The following RAP1GAP2 variants were observed in gnomAD, a reference collection of about 807,000 sequenced individuals.
The protein encoded by RAP1GAP2 is rap1 GTPase-activating protein 2.
RAP1GAP2 carries 27 observed loss-of-function variants against 95.0 expected under a neutral mutation model. The ratio of observed to expected loss-of-function variants is 0.28; its 90% confidence interval spans 0.21 to 0.39. RAP1GAP2 has a LOEUF of 0.39. RAP1GAP2 is among the 10% of genes least tolerant of loss of function. RAP1GAP2 has a pLI of 1.00. For missense variants in RAP1GAP2, 771 were observed against 970.0 expected (o/e 0.79, Z 2.72); for synonymous variants, 373 against 380.9 (o/e 0.98, Z 0.24).
At chr17:2,765,324 G>A (rs1007982760) in intron 1 of RAP1GAP2, among the ~76,000 whole-genome samples, 3 of 152,128 alleles carry the variant, frequency 2.0e-5, no homozygotes, top group East Asian at 3.9e-4. Flanking sequence ...TTCTCAAGTC[G>A]CCCCATCTTA....
At chr17:2,869,683 C>T (rs1371389662) in intron 2 of RAP1GAP2, among the ~76,000 whole-genome samples, 1 of 152,184 alleles carries the variant, frequency 6.6e-6, no homozygotes, top group East Asian at 1.9e-4. Context: ...AGCTCACACC[C>T]CCACTGAGGG....
intron 2 of RAP1GAP2, among the ~76,000 whole-genome samples, chr17:2,897,764 G>A (rs2041886890): frequency 6.6e-6 from 1 of 152,106 alleles, no homozygotes; most frequent in South Asian, 2.1e-4. Context: ...TGGGGTTTGG[G>A]CGGTTCCCTC....
chr17:2,854,868 C>T (rs773396572), intron 2 of RAP1GAP2, among the ~76,000 whole-genome samples: 1 of 152,122 alleles, frequency 6.6e-6, no homozygotes, highest in Non-Finnish European at 1.5e-5. Flanking sequence ...CATGGCAGAG[C>T]CTCCAGCAAT....
chr17:3,025,873 G>A, intron 19 of RAP1GAP2, 135 bp from the exon 20 acceptor site: 1 of 656,190 alleles, frequency 1.5e-6, no homozygotes, highest in South Asian at 1.9e-5. Context: ...AGGACATCCA[G>A]GCAGTGATGC....
chr17:2,993,137 G>A (rs368299496), intron 12 of RAP1GAP2, among the ~76,000 whole-genome samples: 1 of 150,334 alleles, frequency 6.7e-6, no homozygotes, highest in Non-Finnish European at 1.5e-5. Flanking sequence ...CAGGAGAATC[G>A]CTTGAACCCA....
intron 3 of RAP1GAP2, among the ~76,000 whole-genome samples, chr17:2,940,919 TG>T (rs1224592506): frequency 4.6e-5 from 7 of 152,128 alleles, no homozygotes; most frequent in African/African-American, 1.7e-4. Context: ...GACACTTGTT[TG>T]TGGGGTTGGA....
At chr17:2,758,772 A>G (rs1469651687) in intron 1 of RAP1GAP2, among the ~76,000 whole-genome samples, 2 of 152,194 alleles carry the variant, frequency 1.3e-5, no homozygotes, top group Non-Finnish European at 2.9e-5. Flanking sequence ...GCTTCAAAGA[A>G]AAAGGGAATT....
At chr17:2,896,103 C>T (rs2041815446) in intron 2 of RAP1GAP2, among the ~76,000 whole-genome samples, 1 of 152,098 alleles carries the variant, frequency 6.6e-6, no homozygotes, top group South Asian at 2.1e-4. Context: ...CAAGGAGAAC[C>T]AGACCTCTCC....
At chr17:2,924,136 C>T (rs1294461158) in intron 3 of RAP1GAP2, among the ~76,000 whole-genome samples, 1 of 152,152 alleles carries the variant, frequency 6.6e-6, no homozygotes, top group Non-Finnish European at 1.5e-5. Context: ...CAACTTTATA[C>T]ATAGAGTTTG....
chr17:2,776,583 C>CCG (rs2068504271), upstream of RAP1GAP2, among the ~76,000 whole-genome samples: 2 of 151,952 alleles, frequency 1.3e-5, no homozygotes, highest in African/African-American at 4.8e-5. Context: ...GCCAGGCGAT[C>CCG]CGCAGGCAGC....
intron 1 of RAP1GAP2, among the ~76,000 whole-genome samples, chr17:2,762,240 GCC>G (rs776774661): frequency 3.4e-3 from 521 of 151,828 alleles, no homozygotes; most frequent in Admixed American, 6.9e-3. Context: ...ACCTGCCTCG[GCC>G]TCCCAAAGTG....
intron 3 of RAP1GAP2, among the ~76,000 whole-genome samples, chr17:2,949,951 C>T (rs926482658): frequency 2.0e-5 from 3 of 152,210 alleles, no homozygotes; most frequent in East Asian, 1.9e-4. Context: ...CCACCCAGCA[C>T]GTTGCTCATG....
chr17:2,980,098 G>A lies in RAP1GAP2; in HGVS notation c.597-189G>A, dbSNP rs139790530. Reference sequence around the variant, plus strand: ...TGGGATTACAGGCATCCGCCACCACGTCTGGCTAATTTTTTTGTATTTTTA... The same window carrying A: ...TGGGATTACAGGCATCCGCCACCACATCTGGCTAATTTTTTTGTATTTTTA... On this transcript the variant is annotated intron_variant, in intron 8 of 24. Coordinates refer to ENST00000254695, the MANE Select transcript of RAP1GAP2 (RefSeq NM_015085.5). Among the ~76,000 whole-genome samples, 368 of 151,970 alleles carry A rather than the reference G, an allele frequency of 2.4e-3. 1 individual carries two copies. Among genetic ancestry groups the A allele is most frequent in the African/African-American group, 8.4e-3 (349 of 41,462 alleles).
At chr17:2,940,132 G>T (rs773673386) in intron 3 of RAP1GAP2, among the ~76,000 whole-genome samples, 1 of 152,166 alleles carries the variant, frequency 6.6e-6, no homozygotes. Flanking sequence ...CTGCCTGGAG[G>T]GGGTGGGGAA....
chr17:2,893,307 C>G (rs1165392860), intron 2 of RAP1GAP2, among the ~76,000 whole-genome samples: 12 of 152,184 alleles, frequency 7.9e-5, no homozygotes, highest in Non-Finnish European at 1.2e-4. Flanking sequence ...TCCCAAAGTG[C>G]TGGGATTACA....
Position 2,870,385 on chromosome 17 carries a change from G to A in RAP1GAP2, c.81-34899G>A, listed in dbSNP as rs1402640261. ...GCCTGCCTCGTCCTCCCAAAGTGCT[G>A]GGATTACAGGCATGAGCCACCGTGC... On this transcript the variant is annotated intron_variant, in intron 2 of 24. Coordinates refer to ENST00000254695, the MANE Select transcript of RAP1GAP2 (RefSeq NM_015085.5). The surrounding 1 kb of genome is among the most constrained non-coding windows in gnomAD (Gnocchi z 4.4). 6.6e-6 allele frequency among the ~76,000 whole-genome samples: 1 copy of A among 152,034 alleles called. No individual in the cohort carries two copies.
At chr17:2,767,923 G>A (rs1567633609) in intron 1 of RAP1GAP2, among the ~76,000 whole-genome samples, 3 of 152,160 alleles carry the variant, frequency 2.0e-5, no homozygotes, top group East Asian at 3.9e-4. Flanking sequence ...TTTAGCAAAC[G>A]AGGTTTCACC....
chr17:2,937,481 C>T (rs1289446483), intron 3 of RAP1GAP2, among the ~76,000 whole-genome samples: 2 of 152,200 alleles, frequency 1.3e-5, no homozygotes, highest in African/African-American at 4.8e-5. Context: ...TGCTGGGGGA[C>T]ACTGTGCTGA....
Position 2,904,413 on chromosome 17 carries a change from A to T in RAP1GAP2, c.81-871A>T, listed in dbSNP as rs1037230047. Among the ~76,000 whole-genome samples the T allele has an allele frequency of 6.6e-6, 1 of 152,200 alleles. No individual in the cohort carries two copies. Among genetic ancestry groups the T allele is most frequent in the East Asian group, 1.9e-4 (1 of 5,200 alleles). On this transcript the variant is annotated intron_variant, in intron 2 of 24. Coordinates refer to ENST00000254695, the MANE Select transcript of RAP1GAP2 (RefSeq NM_015085.5). This position sits in a 1 kb window ranked among gnomAD's most constrained non-coding sequence, Gnocchi z 4.7. ...TTGTCGCAGTCATGTTGCCATGGTG[A>T]CACAACTCTGTTTAGCTGCCTCTCT... is the stretch of plus-strand genomic sequence containing the variant.
Sources: gnomAD v4.1 joint callset for allele counts (sites outside exome capture counted in the v4.1 genomes callset) on GRCh38, gnomAD v4.1.1 for gene constraint, Gnocchi (gnomAD v3.1) non-coding constraint, MANE v1.5 for transcripts, NCBI Gene and HGNC (gene_info 2026-07-23, HGNC 2026-07-21) for gene names.